Variants in PCDHA9 observed in about 807,000 individuals in gnomAD.
The protein encoded by PCDHA9 is protocadherin alpha-9.
PCDHA9 carries 62 observed loss-of-function variants against 62.0 expected under a neutral mutation model. The observed-to-expected ratio is 1.00, with a 90% CI of 0.81 to 1.23. The LOEUF is 1.23. Among genes scored for constraint, PCDHA9 ranks in the 50% most tolerant of loss-of-function variants. PCDHA9 has a pLI of 0.00. For synonymous variants in PCDHA9, 557 were observed against 567.6 expected (o/e 0.98, Z 0.27); for missense variants, 1,205 against 1,249.8 (o/e 0.96, Z 0.54).
chr5:140,882,852 T>C, intron 1 of PCDHA9: 2 of 1,614,216 alleles, frequency 1.2e-6, no homozygotes, highest in Non-Finnish European at 1.7e-6. Flanking sequence ...TTATCACTTG[T>C]ACTGAGGAAA....
At chr5:140,857,932 C>T in intron 1 of PCDHA9, 1 of 1,597,630 alleles carries the variant, frequency 6.3e-7, no homozygotes, top group East Asian at 2.2e-5. Flanking sequence ...TGTACACGGG[C>T]GAGATCAGTA....
intron 1 of PCDHA9, among the ~76,000 whole-genome samples, chr5:140,889,644 C>A (rs2062317759): frequency 6.6e-6 from 1 of 151,938 alleles, no homozygotes; most frequent in African/African-American, 2.4e-5. Flanking sequence ...TTTGTGTTTG[C>A]AGGAGATGTC....
rs148631412 is a variant in PCDHA9, at chr5:140,929,183, C to T, written c.2395-49766C>T. On this transcript the variant is annotated intron_variant, in intron 1 of 3. Transcript: ENST00000532602. ...TATCGGGCCTCTCTGGGACTTGGTT[C>T]TGATAATAACAGTTTGCTGTTGCGT... is the stretch of plus-strand genomic sequence containing the variant. 62 of 1,614,144 alleles carry T rather than the reference C, an allele frequency of 3.8e-5. No individual in the cohort carries two copies. The highest frequency in any genetic ancestry group is 4.8e-5 in the Non-Finnish European group (57 of 1,180,012).
At chr5:140,942,949 G>A (rs1183072564) in intron 1 of PCDHA9, among the ~76,000 whole-genome samples, 10 of 151,942 alleles carry the variant, frequency 6.6e-5, no homozygotes, top group Admixed American at 1.3e-4. Flanking sequence ...AAGTGTAGAC[G>A]TTCTGTTATC....
chr5:140,909,341 T>C (rs2074443719), intron 1 of PCDHA9, among the ~76,000 whole-genome samples: 1 of 152,222 alleles, frequency 6.6e-6, no homozygotes, highest in African/African-American at 2.4e-5. Context: ...GCATACCAGG[T>C]ACCAAGAGAT....
chr5:140,995,794 CAT>C (rs1407600046), intron 3 of PCDHA9, among the ~76,000 whole-genome samples: 65 of 152,208 alleles, frequency 4.3e-4, no homozygotes, highest in African/African-American at 1.5e-3. Flanking sequence ...AAATTTGTCT[CAT>C]GTTAGTTTCT....
At chr5:140,858,235 A>T (rs2045286318) in intron 1 of PCDHA9, 1 of 1,596,218 alleles carries the variant, frequency 6.3e-7, no homozygotes, top group African/African-American at 1.3e-5. Flanking sequence ...CCGAGGGCGC[A>T]TGTGGGCCGG....
chr5:140,873,149 T>C (rs2054128037), intron 1 of PCDHA9, among the ~76,000 whole-genome samples: 1 of 152,218 alleles, frequency 6.6e-6, no homozygotes, highest in Non-Finnish European at 1.5e-5. Flanking sequence ...AGCCTATTCA[T>C]AGACTTTAGA....
intron 1 of PCDHA9, chr5:140,876,771 T>C: frequency 6.2e-7 from 1 of 1,614,228 alleles, no homozygotes; most frequent in African/African-American, 1.3e-5. Flanking sequence ...GGGGCTCGCC[T>C]TCGCTGTGGG....
chr5:140,876,924 G>A, intron 1 of PCDHA9: 4 of 1,613,824 alleles, frequency 2.5e-6, no homozygotes, highest in Non-Finnish European at 3.4e-6. Flanking sequence ...ACGCGGACGC[G>A]CAGAAGAACG....
intron 1 of PCDHA9, chr5:140,928,133 T>C (rs1208134482): frequency 1.2e-6 from 2 of 1,614,090 alleles, no homozygotes; most frequent in Non-Finnish European, 1.7e-6. Context: ...TACCAAGTCC[T>C]GATCACGGCC....
At chr5:140,935,374 T>A (rs2090335210) in intron 1 of PCDHA9, among the ~76,000 whole-genome samples, 1 of 152,248 alleles carries the variant, frequency 6.6e-6, no homozygotes. Flanking sequence ...GTCAACAGAA[T>A]TACTCATTTG....
chr5:140,878,047 G>A lies in PCDHA9; in HGVS notation c.2394+27158G>A, dbSNP rs574540860. On this transcript the variant is annotated intron_variant, in intron 1 of 3. Transcript: ENST00000532602. Reference sequence around the variant, plus strand: ...ATGTAGGTACAATGGAGGCCATGGAGCACCACACTTAATATTTTTCTTTTT... The same window carrying A: ...ATGTAGGTACAATGGAGGCCATGGAACACCACACTTAATATTTTTCTTTTT... The A allele has an allele frequency of 1.7e-4, 84 of 491,464 alleles. No homozygotes were observed. In the South Asian group the frequency reaches 4.9e-3, roughly 29 times the overall value. 30.4% of individuals were successfully genotyped at this position (491,464 alleles called of 1,614,324 possible).
intron 1 of PCDHA9, among the ~76,000 whole-genome samples, chr5:140,873,723 CAA>C (rs1554166874): frequency 6.6e-6 from 1 of 152,158 alleles, no homozygotes; most frequent in Non-Finnish European, 1.5e-5. Context: ...TGCAGTGGCG[CAA>C]TCTCAGCTCA....
intron 1 of PCDHA9, among the ~76,000 whole-genome samples, chr5:140,941,214 C>CTTTCTTT (rs1554214039): frequency 0.058 from 7,135 of 122,220 alleles, 362 homozygotes; most frequent in South Asian, 0.079. Context: ...TTTCTTTCTT[C>CTTTCTTT]CTTTCTTTCT....
At chr5:140,870,568 G>T (rs1554164428) in intron 1 of PCDHA9, 2 of 1,613,870 alleles carry the variant, frequency 1.2e-6, no homozygotes, top group African/African-American at 1.3e-5. Context: ...GAACGCGCTG[G>T]TGTCCTACTC....
intron 3 of PCDHA9, among the ~76,000 whole-genome samples, chr5:140,999,034 T>A (rs953509791): frequency 6.6e-6 from 1 of 152,210 alleles, no homozygotes; most frequent in East Asian, 1.9e-4. Flanking sequence ...TGATACTTCG[T>A]CCAGTGTGCT....
intron 1 of PCDHA9, chr5:140,927,810 G>C: frequency 6.2e-7 from 1 of 1,614,200 alleles, no homozygotes. Flanking sequence ...AAACGCTCTT[G>C]GAGGCATACA....
At chr5:141,005,687 G>A (rs1454342103) in intron 3 of PCDHA9, among the ~76,000 whole-genome samples, 3 of 116,164 alleles carry the variant, frequency 2.6e-5, no homozygotes, top group African/African-American at 7.0e-5. Context: ...GGGCGACAGA[G>A]CGAAACTCCG....
Sources: gnomAD v4.1 joint callset for allele counts (sites outside exome capture counted in the v4.1 genomes callset) on GRCh38, gnomAD v4.1.1 for gene constraint, MANE v1.5 for transcripts, NCBI Gene and HGNC (gene_info 2026-07-23, HGNC 2026-07-21) for gene names.